The following STON2 variants were observed in gnomAD, a reference collection of about 807,000 sequenced individuals.
STON2 encodes the protein stonin-2.
STON2 carries 29 observed loss-of-function variants against 65.7 expected under a neutral mutation model. The observed-to-expected ratio is 0.44, with a 90% CI of 0.33 to 0.60. The LOEUF is 0.60. STON2 is among the 20% of genes least tolerant of loss of function. STON2 has a pLI of 0.03. For missense variants in STON2, 1,054 were observed against 1,118.1 expected (o/e 0.94, Z 0.82); for synonymous variants, 404 against 414.2 (o/e 0.98, Z 0.30).
intron 3 of STON2, among the ~76,000 whole-genome samples, chr14:81,382,553 G>C (rs1899576829): frequency 6.6e-6 from 1 of 152,146 alleles, no homozygotes; most frequent in Non-Finnish European, 1.5e-5. Flanking sequence ...AGAGGGGAGG[G>C]AAGGGGATGT....
intron 2 of STON2, among the ~76,000 whole-genome samples, chr14:81,426,572 G>A (rs899615890): frequency 6.6e-5 from 10 of 151,920 alleles, no homozygotes; most frequent in Non-Finnish European, 1.2e-4. Context: ...CACACTTAAC[G>A]CATCCAGATT....
chr14:81,341,754 G>A (rs544610270), intron 4 of STON2, among the ~76,000 whole-genome samples: 1 of 152,252 alleles, frequency 6.6e-6, no homozygotes, highest in African/African-American at 2.4e-5. Context: ...TTTTAAACAG[G>A]TGAAGTAAGA....
chr14:81,319,320 T>G (rs1044892421), intron 5 of STON2, among the ~76,000 whole-genome samples: 4 of 152,228 alleles, frequency 2.6e-5, no homozygotes. Context: ...TACCTGATTT[T>G]TTTTTTCAAT....
intron 1 of STON2, among the ~76,000 whole-genome samples, chr14:81,429,975 C>T (rs1378418602): frequency 6.6e-6 from 1 of 152,148 alleles, no homozygotes; most frequent in Admixed American, 6.5e-5. Flanking sequence ...CTCCGACTTC[C>T]CTTCTCTCCC....
At chr14:81,310,472 G>A (rs572523091) in intron 5 of STON2, among the ~76,000 whole-genome samples, 27 of 152,342 alleles carry the variant, frequency 1.8e-4, no homozygotes, top group Admixed American at 1.3e-3. Flanking sequence ...CCCATTCAAT[G>A]TGGTCAACAT....
intron 4 of STON2, among the ~76,000 whole-genome samples, chr14:81,339,643 T>C (rs991363828): frequency 6.6e-6 from 1 of 152,198 alleles, no homozygotes; most frequent in African/African-American, 2.4e-5. Flanking sequence ...GGATGTCATG[T>C]ATGAGCCAAA....
At chr14:81,405,226 T>C (rs944057950), upstream of STON2, among the ~76,000 whole-genome samples, 1 of 152,136 alleles carries the variant, frequency 6.6e-6, no homozygotes, top group Non-Finnish European at 1.5e-5. Context: ...TCACTGACTC[T>C]TTCTCTTCTC....
chr14:81,418,046 C>T (rs1901525609), intron 2 of STON2: 1 of 152,250 alleles, frequency 6.6e-6, no homozygotes, highest in East Asian at 1.9e-4. Flanking sequence ...CCCTTCCTGG[C>T]AGCATTTCTA....
chr14:81,390,673 T>G (rs1001672850), intron 3 of STON2, among the ~76,000 whole-genome samples: 1 of 152,256 alleles, frequency 6.6e-6, no homozygotes, highest in Non-Finnish European at 1.5e-5. Flanking sequence ...CTCAGCCTTA[T>G]GCAAAGGGTT....
chr14:81,278,772 T>C (rs1894988972), intron 5 of STON2, 33 bp from the exon 6 acceptor site: 1 of 1,485,542 alleles, frequency 6.7e-7, no homozygotes. Flanking sequence ...TGAGCTACTG[T>C]TCAGGGGCTC....
At chr14:81,326,529 C>T (rs1043873980) in intron 4 of STON2, among the ~76,000 whole-genome samples, 1 of 152,138 alleles carries the variant, frequency 6.6e-6, no homozygotes, top group African/African-American at 2.4e-5. Context: ...TTGAAACCTG[C>T]ATTACACAAG....
At chr14:81,269,406 T>A (rs955277982) in intron 7 of STON2, 1 of 985,314 alleles carries the variant, frequency 1.0e-6, no homozygotes, top group African/African-American at 1.7e-5. Context: ...ACTGTAATTA[T>A]CAAGAAATTA....
At chr14:81,304,615 C>T (rs1896101676) in intron 5 of STON2, among the ~76,000 whole-genome samples, 2 of 152,128 alleles carry the variant, frequency 1.3e-5, no homozygotes. Flanking sequence ...TGAATCTCAG[C>T]TACTCAGGAG....
intron 5 of STON2, among the ~76,000 whole-genome samples, chr14:81,312,618 G>A (rs1896468160): frequency 6.6e-6 from 1 of 152,158 alleles, no homozygotes; most frequent in Non-Finnish European, 1.5e-5. Context: ...TCCAACCTAA[G>A]GAATTCTCCC....
At chr14:81,341,822 T>C (rs1860886487) in intron 4 of STON2, among the ~76,000 whole-genome samples, 1 of 152,250 alleles carries the variant, frequency 6.6e-6, no homozygotes, top group Admixed American at 6.5e-5. Context: ...ATCTAAATTA[T>C]GCCACAGTAA....
At chr14:81,412,853 AG>A in intron 2 of STON2, 1 of 511,382 alleles carries the variant, frequency 2.0e-6, no homozygotes. Flanking sequence ...AAACATTAAA[AG>A]CTTTCTTCTT....
chr14:81,342,619 C>T (rs188995049), intron 4 of STON2, among the ~76,000 whole-genome samples: 4 of 152,298 alleles, frequency 2.6e-5, no homozygotes, highest in African/African-American at 9.6e-5. Context: ...CATCTGAGCT[C>T]TATTCCCGGT....
At chr14:81,301,689 A>T (rs1356977544) in intron 5 of STON2, among the ~76,000 whole-genome samples, 2 of 152,216 alleles carry the variant, frequency 1.3e-5, no homozygotes, top group South Asian at 2.1e-4. Flanking sequence ...CTCAGTATTC[A>T]CATTTGTGAA....
At chr14:81,391,710 T>C (rs545391121) in intron 3 of STON2, among the ~76,000 whole-genome samples, 3 of 152,334 alleles carry the variant, frequency 2.0e-5, no homozygotes, top group African/African-American at 7.2e-5. Flanking sequence ...CCGTCCCCTA[T>C]GCTCCTTGGG....
Sources: gnomAD v4.1 joint callset for allele counts (sites outside exome capture counted in the v4.1 genomes callset) on GRCh38, gnomAD v4.1.1 for gene constraint, MANE v1.5 for transcripts, NCBI Gene and HGNC (gene_info 2026-07-23, HGNC 2026-07-21) for gene names.